GAS7: variants seen among roughly 807,000 people sequenced by gnomAD.
GAS7 encodes the protein growth arrest-specific protein 7.
A neutral mutation model predicts 71.1 loss-of-function variants in GAS7; 28 were observed. The observed-to-expected ratio is 0.39, with a 90% CI of 0.29 to 0.54. GAS7 has a LOEUF of 0.54. Among genes scored for constraint, GAS7 ranks in the 20% least tolerant of loss-of-function variants. The probability of loss-of-function intolerance (pLI) is 0.62; values close to 1 mark genes in which losing one functional copy is unlikely to be tolerated. For synonymous variants in GAS7, 258 were observed against 245.8 expected (o/e 1.05, Z -0.46); for missense variants, 436 against 627.8 (o/e 0.69, Z 3.27).
At chr17:10,117,443 C>T (rs954289946) in intron 1 of GAS7, among the ~76,000 whole-genome samples, 1 of 152,238 alleles carries the variant, frequency 6.6e-6, no homozygotes, top group South Asian at 2.1e-4. Flanking sequence ...CATTACTCAG[C>T]CCCCACAGGG....
At chr17:10,188,558 GT>G (rs1336056328) in intron 1 of GAS7, among the ~76,000 whole-genome samples, 2 of 152,172 alleles carry the variant, frequency 1.3e-5, no homozygotes, top group African/African-American at 2.4e-5. Context: ...TCTTCAAGCT[GT>G]TTTTTAATTA....
At chr17:10,175,142 G>A (rs772873748) in intron 1 of GAS7, among the ~76,000 whole-genome samples, 14 of 151,838 alleles carry the variant, frequency 9.2e-5, no homozygotes, top group Non-Finnish European at 1.6e-4. Flanking sequence ...CACCACGCGC[G>A]GCCTGGAGTT....
At chr17:10,154,460 T>C (rs1236318926) in intron 1 of GAS7, among the ~76,000 whole-genome samples, 1 of 151,776 alleles carries the variant, frequency 6.6e-6, no homozygotes, top group East Asian at 1.9e-4. Context: ...GCAGTGATCA[T>C]GCCACTGCAC....
At chr17:9,920,182 AGTGTGT>A (rs59320661) in intron 11 of GAS7, among the ~76,000 whole-genome samples, 1 of 141,050 alleles carries the variant, frequency 7.1e-6, no homozygotes, top group South Asian at 2.3e-4. Context: ...AGATCATGTA[AGTGTGT>A]GTGTGTGTGT....
At chr17:10,151,599 C>A (rs1213223723) in intron 1 of GAS7, among the ~76,000 whole-genome samples, 2 of 152,126 alleles carry the variant, frequency 1.3e-5, no homozygotes, top group African/African-American at 4.8e-5. Context: ...GGCTGGAGTG[C>A]AATGGCATGA....
At chr17:10,021,864 A>G (rs2072282727) in intron 1 of GAS7, among the ~76,000 whole-genome samples, 1 of 152,194 alleles carries the variant, frequency 6.6e-6, no homozygotes, top group Non-Finnish European at 1.5e-5. Flanking sequence ...GCGCGCGTGC[A>G]TGTTGAGAGA....
intron 1 of GAS7, among the ~76,000 whole-genome samples, chr17:10,195,739 T>C (rs1288368790): frequency 6.6e-6 from 1 of 152,128 alleles, no homozygotes; most frequent in Non-Finnish European, 1.5e-5. Context: ...CCTGGGGACC[T>C]CTGCATTCTC....
chr17:10,149,020 T>TGCTCCA (rs1241659076), intron 1 of GAS7, among the ~76,000 whole-genome samples: 1 of 152,182 alleles, frequency 6.6e-6, no homozygotes, highest in South Asian at 2.1e-4. Flanking sequence ...ACCATCTTCC[T>TGCTCCA]GCTCCAGAAG....
At chr17:9,965,179 C>G (rs570420550) in intron 4 of GAS7, among the ~76,000 whole-genome samples, 1 of 152,236 alleles carries the variant, frequency 6.6e-6, no homozygotes, top group East Asian at 1.9e-4. Context: ...ACTGAGTATA[C>G]CCAAAGGAAT....
At position 9,926,644 on chromosome 17, in the gene GAS7, C is replaced by T. The variant is rs1235418447; in HGVS notation, c.1011G>A (p.Glu337=). 2 of 1,613,234 alleles carry T rather than the reference C, an allele frequency of 1.2e-6. No individual in the cohort carries two copies. Among genetic ancestry groups the T allele is most frequent in the African/African-American group, 1.3e-5 (1 of 74,946 alleles). Residue 337 remains glutamate, a synonymous_variant, in exon 10 of 14, where the codon GAG becomes GAA. Transcript: ENST00000432992. The surrounding 1 kb of genome is among the most constrained non-coding windows in gnomAD (Gnocchi z 5.0). ...KQLASRYASV[E]KARKALTERQ... ...CCCAGCGTCCTGGGCCTCTCACCTT[C>T]TCCACCGAGGCATAGCGGCTGGCGA...
At chr17:9,929,018 T>C (rs935257963) in intron 9 of GAS7, among the ~76,000 whole-genome samples, 5 of 152,170 alleles carry the variant, frequency 3.3e-5, no homozygotes, top group African/African-American at 1.2e-4. Flanking sequence ...CCTGGAACCT[T>C]CCCTGTATAG....
chr17:9,966,360 G>T (rs1211327052), intron 4 of GAS7, among the ~76,000 whole-genome samples: 1 of 152,106 alleles, frequency 6.6e-6, no homozygotes, highest in Admixed American at 6.6e-5. Context: ...TAAGCAGGGG[G>T]CGGAAAGAGA....
chr17:9,919,165 AC>A lies in GAS7; in HGVS notation c.1218+460del, dbSNP rs1567768841. Reference sequence around the variant, plus strand: ...TCATCGGCCCTGCCGCCTGTTGTTCACCCTTGGTGAGAGGCCTCCCCCACCC... The same window carrying A: ...TCATCGGCCCTGCCGCCTGTTGTTCACCTTGGTGAGAGGCCTCCCCCACCC... On this transcript the variant is annotated intron_variant, in intron 12 of 13. Transcript: ENST00000432992. This position sits in a 1 kb window ranked among gnomAD's most constrained non-coding sequence, Gnocchi z 5.0. 8.4e-6 allele frequency among the ~76,000 whole-genome samples: 1 copy of A among 118,804 alleles called. No homozygotes were observed. The highest frequency in any genetic ancestry group is 2.7e-5 in the African/African-American group (1 of 37,680). The allele number at this position is 118,804 out of a possible 152,430, so 77.9% of individuals were successfully genotyped here.
At chr17:10,003,755 G>GCCCCTTCTGCT (rs1000834760) in intron 2 of GAS7, among the ~76,000 whole-genome samples, 1 of 152,148 alleles carries the variant, frequency 6.6e-6, no homozygotes, top group Admixed American at 6.5e-5. Flanking sequence ...CCATCTCAGT[G>GCCCCTTCTGCT]CCCCTTCTGC....
intron 1 of GAS7, among the ~76,000 whole-genome samples, chr17:10,077,831 G>A (rs2073411731): frequency 6.6e-6 from 1 of 152,190 alleles, no homozygotes; most frequent in South Asian, 2.1e-4. Flanking sequence ...CCAAGAAAAG[G>A]GGAAGACATG....
At position 9,981,923 on chromosome 17, in the gene GAS7, T is replaced by C. The variant is rs2070426048; in HGVS notation, c.305-39A>G. 1.8e-6 allele frequency: 2 copies of C among 1,110,892 alleles called. No homozygotes were observed. Among genetic ancestry groups the C allele is most frequent in the East Asian group, 2.3e-5 (1 of 42,612 alleles). The allele number at this position is 1,110,892 out of a possible 1,614,324, so 68.8% of individuals were successfully genotyped here. On this transcript the variant is annotated intron_variant, in intron 2 of 13. Coordinates refer to ENST00000432992, the MANE Select transcript of GAS7 (RefSeq NM_201433.2). This position sits in a 1 kb window ranked among gnomAD's most constrained non-coding sequence, Gnocchi z 4.4. Reference sequence around the variant, plus strand: ...AGCAAAGAAAATCACTTTGAGAATGTCACAGGGCAGAACCTGAGTTTCACA... The same window carrying C: ...AGCAAAGAAAATCACTTTGAGAATGCCACAGGGCAGAACCTGAGTTTCACA...
At chr17:10,153,988 G>A (rs1189848526) in intron 1 of GAS7, among the ~76,000 whole-genome samples, 1 of 152,178 alleles carries the variant, frequency 6.6e-6, no homozygotes, top group African/African-American at 2.4e-5. Context: ...TGAGGCAGGA[G>A]GACTGCTTGA....
intron 2 of GAS7, among the ~76,000 whole-genome samples, chr17:9,992,589 A>AT (rs910730092): frequency 6.7e-5 from 10 of 149,210 alleles, no homozygotes; most frequent in Middle Eastern, 3.4e-3. Context: ...AATTTTATTT[A>AT]TTTTTTTTAA....
chr17:9,950,187 A>G (rs1029900244), intron 5 of GAS7, among the ~76,000 whole-genome samples: 14 of 152,060 alleles, frequency 9.2e-5, no homozygotes, highest in African/African-American at 3.4e-4. Flanking sequence ...CAAAATGTGT[A>G]ACTTCTAAGA....
Sources: gnomAD v4.1 joint callset for allele counts (sites outside exome capture counted in the v4.1 genomes callset) on GRCh38, gnomAD v4.1.1 for gene constraint, Gnocchi (gnomAD v3.1) non-coding constraint, MANE v1.5 for transcripts, NCBI Gene and HGNC (gene_info 2026-07-23, HGNC 2026-07-21) for gene names.